GLIPR1: variants seen among roughly 807,000 people sequenced by gnomAD.
GLIPR1 encodes the protein glioma pathogenesis-related protein 1.
Under a neutral mutation model 30.3 loss-of-function variants are expected in GLIPR1, and 38 were observed. That is an observed-to-expected ratio of 1.26 (90% CI 0.97 to 1.65). The LOEUF (loss-of-function observed/expected upper bound fraction) is 1.65. Among genes scored for constraint, GLIPR1 ranks in the 40% most tolerant of loss-of-function variants. The pLI, the probability that GLIPR1 is intolerant of heterozygous loss-of-function variation, is 0.00. For synonymous variants in GLIPR1, 122 were observed against 110.6 expected (o/e 1.10, Z -0.65); for missense variants, 285 against 326.5 (o/e 0.87, Z 0.98).
intron 2 of GLIPR1, among the ~76,000 whole-genome samples, chr12:75,488,645 A>G (rs2046304671): frequency 6.6e-6 from 1 of 152,152 alleles, no homozygotes; most frequent in Admixed American, 6.5e-5. Flanking sequence ...ATTTATTTTT[A>G]AAGTAAACTT....
chr12:75,494,185 T>C (rs766993822), intron 3 of GLIPR1: 1 of 152,220 alleles, frequency 6.6e-6, no homozygotes, highest in Non-Finnish European at 1.5e-5. Context: ...GGTATCGTTA[T>C]AAAGTTGTGT....
rs1396827478 is a variant in GLIPR1 at position 75,481,052 on chromosome 12, A to G, written c.172A>G (p.Met58Val). Reference sequence around the variant, plus strand: ...ACCAACAGCCAGTGATATGCTATACATGGTAAGGAAAATATCATTAATTGT... The same window carrying G: ...ACCAACAGCCAGTGATATGCTATACGTGGTAAGGAAAATATCATTAATTGT... ...VKPTASDMLY[M>V]TWDPALAQIA... Residue 58 changes from methionine (M) to valine (V), a missense_variant and splice_region_variant, in exon 1 of 6, where the codon ATG (methionine) becomes GTG (valine). Physicochemically the swap from Met to Val is conservative, Grantham distance 21 (BLOSUM62 1). Coordinates refer to ENST00000266659, the MANE Select transcript of GLIPR1 (RefSeq NM_006851.3). The G allele has an allele frequency of 5.0e-6, 8 of 1,605,276 alleles. No homozygotes were observed. Among genetic ancestry groups the G allele is most frequent in the Admixed American group, 3.4e-5 (2 of 59,336 alleles).
rs575966559 is a variant in GLIPR1 at position 75,502,042 on chromosome 12, G to C, written c.*3064G>C. 6.6e-6 allele frequency: 10 copies of C among 1,503,882 alleles called. No individual in the cohort carries two copies. In the East Asian group the frequency reaches 2.3e-4, roughly 35 times the overall value. The allele number at this position is 1,503,882 out of a possible 1,614,324, so 93.2% of individuals were successfully genotyped here. A position where few individuals can be genotyped will look rare whatever the true frequency, so the allele number is the denominator to read the frequency against. Reference sequence around the variant, plus strand: ...TTACAATTACATCAGAAATAATGTAGAGGAGAAGTCATGTCCTAAGCAAGT... The same window carrying C: ...TTACAATTACATCAGAAATAATGTACAGGAGAAGTCATGTCCTAAGCAAGT... On this transcript the variant is annotated 3_prime_UTR_variant, in exon 6 of 6. Coordinates refer to ENST00000266659, the MANE Select transcript of GLIPR1 (RefSeq NM_006851.3).
intron 2 of GLIPR1, among the ~76,000 whole-genome samples, chr12:75,485,932 A>G (rs992088442): frequency 6.6e-6 from 1 of 152,134 alleles, no homozygotes; most frequent in African/African-American, 2.4e-5. Context: ...TCATACCGAG[A>G]ATTGAAAGGG....
intron 4 of GLIPR1, chr12:75,498,420 G>C (rs1033004934): frequency 2.7e-4 from 79 of 292,644 alleles, no homozygotes; most frequent in African/African-American, 1.7e-3. Flanking sequence ...TTTATTACCT[G>C]CTAGGTATGA....
chr12:75,494,496 G>T (rs922569989), intron 3 of GLIPR1: 2 of 152,136 alleles, frequency 1.3e-5, no homozygotes, highest in South Asian at 2.1e-4. Context: ...GCCCCCGGTA[G>T]ATCTTAATAG....
Position 75,499,987 on chromosome 12 carries a change from T to C in GLIPR1, c.*1009T>C, listed in dbSNP as rs112185628. ...TAAAAGCACAACACATGTAATACTT[T>C]AGATTTTACCAAGTAAAACAAAGAA... is the stretch of plus-strand genomic sequence containing the variant. On this transcript the variant is annotated 3_prime_UTR_variant, in exon 6 of 6. Coordinates refer to ENST00000266659, the MANE Select transcript of GLIPR1 (RefSeq NM_006851.3). 11 of 1,514,958 alleles carry C rather than the reference T, an allele frequency of 7.3e-6. No individual in the cohort carries two copies. The highest frequency in any genetic ancestry group is 8.9e-6 in the Non-Finnish European group (10 of 1,124,762). 93.8% of individuals were successfully genotyped at this position (1,514,958 alleles called of 1,614,324 possible). A position where few individuals can be genotyped will look rare whatever the true frequency, so the allele number is the denominator to read the frequency against.
rs2046377042 is a variant in GLIPR1, at chr12:75,499,674, T to G, written c.*696T>G. On this transcript the variant is annotated 3_prime_UTR_variant, in exon 6 of 6. Transcript: ENST00000266659. ...TAATAATATAATTTATAAAGAACAC[T>G]CTTCTATGAACAACCACCACCACCA... 2.1e-6 allele frequency: 1 copy of G among 486,862 alleles called. No homozygotes were observed. The highest frequency in any genetic ancestry group is 3.9e-5 in the Admixed American group (1 of 25,674). The allele number at this position is 486,862 out of a possible 1,614,324, so 30.2% of individuals were successfully genotyped here. A position where few individuals can be genotyped will look rare whatever the true frequency, so the allele number is the denominator to read the frequency against.
At chr12:75,495,790 T>A in intron 4 of GLIPR1, 128 bp downstream of exon 4, 1 of 584,250 alleles carries the variant, frequency 1.7e-6, no homozygotes, top group Admixed American at 2.7e-5. Context: ...AAGTAGCAAT[T>A]AAACCAATGG....
At chr12:75,486,825 A>C (rs917968857) in intron 2 of GLIPR1, among the ~76,000 whole-genome samples, 1 of 152,200 alleles carries the variant, frequency 6.6e-6, no homozygotes, top group Non-Finnish European at 1.5e-5. Flanking sequence ...GTTGACCACA[A>C]AGGGGCTCAA....
Position 75,501,476 on chromosome 12 carries a change from G to A in GLIPR1, c.*2498G>A, listed in dbSNP as rs531292777. The stretch of plus-strand genomic sequence containing the variant: ...CTGGGTTTGTATCTTTCACAACAAA[G>A]AGTCTTTTCCAAGCACAGACCAGAG... On this transcript the variant is annotated 3_prime_UTR_variant, in exon 6 of 6. Transcript: ENST00000266659. 3 of 391,878 alleles carry A rather than the reference G, an allele frequency of 7.7e-6. No individual in the cohort carries two copies. In the East Asian group the frequency reaches 1.3e-4, roughly 17 times the overall value. The allele number at this position is 391,878 out of a possible 1,614,324, so 24.3% of individuals were successfully genotyped here. A position where few individuals can be genotyped will look rare whatever the true frequency, so the allele number is the denominator to read the frequency against.
intron 3 of GLIPR1, chr12:75,492,245 T>A (rs1248221438): frequency 2.6e-5 from 4 of 152,192 alleles, no homozygotes; most frequent in African/African-American, 9.7e-5. Context: ...CATGCCACCA[T>A]GCCCAGTTAA....
Position 75,499,755 on chromosome 12 carries a change from ATCTCAAAATCCTT to A in GLIPR1, c.*779_*791del. 1 of 1,407,238 alleles carries A rather than the reference ATCTCAAAATCCTT, an allele frequency of 7.1e-7. No homozygotes were observed. The highest frequency in any genetic ancestry group is 9.5e-7 in the Non-Finnish European group (1 of 1,051,368). The allele number at this position is 1,407,238 out of a possible 1,614,324, so 87.2% of individuals were successfully genotyped here. On this transcript the variant is annotated 3_prime_UTR_variant, in exon 6 of 6. Transcript: ENST00000266659. ...ACAAATAAGGCAACTAATGCCTGAT[ATCTCAAAATCCTT>A]TACAAAAGGAGATAGTTCTAGTCAA... is the stretch of plus-strand genomic sequence containing the variant.
At chr12:75,486,828 G>T (rs949507182) in intron 2 of GLIPR1, among the ~76,000 whole-genome samples, 12 of 152,024 alleles carry the variant, frequency 7.9e-5, no homozygotes, top group African/African-American at 2.9e-4. Context: ...GACCACAAAG[G>T]GGCTCAAGGG....
chr12:75,490,494 AT>A lies in GLIPR1; in HGVS notation c.513del (p.Phe171LeufsTer73). 1 of 1,370,326 alleles carries A rather than the reference AT, an allele frequency of 7.3e-7. No homozygotes were observed. Among genetic ancestry groups the A allele is most frequent in the Non-Finnish European group, 9.7e-7 (1 of 1,030,474 alleles). The allele number at this position is 1,370,326 out of a possible 1,614,324, so 84.9% of individuals were successfully genotyped here. A position where few individuals can be genotyped will look rare whatever the true frequency, so the allele number is the denominator to read the frequency against. On this transcript the variant is annotated frameshift_variant, in exon 3 of 6. Transcript: ENST00000266659. LOFTEE classifies it high-confidence loss of function. ...SGFDALSNGA[H>X]FICNYGPGGN... ...TTTGACGCTCTTTCCAATGGAGCAC[AT>A]TTTATATGCAACTACGGACCAGGGT...
At position 75,480,884 on chromosome 12, in the gene GLIPR1, C is replaced by A. The variant is rs778155968; in HGVS notation, c.4C>A (p.Arg2Ser). M[R>S]VTLATIAWMV... ...AAGGCTCCATGCCAGACAAAGCATG[C>A]GTGTCACACTTGCTACAATAGCCTG... The change falls in exon 1 of 6, where the codon CGT becomes AGT. Residue 2 changes from arginine to serine, a missense_variant. By Grantham distance (110) the Arg-to-Ser change is moderately radical. Coordinates refer to ENST00000266659, the MANE Select transcript of GLIPR1 (RefSeq NM_006851.3). The A allele has an allele frequency of 4.4e-6, 7 of 1,607,096 alleles. No individual in the cohort carries two copies. The Admixed American group carries it at 5.0e-5, about 12-fold the overall frequency.
At chr12:75,494,163 G>A (rs1594060621) in intron 3 of GLIPR1, 1 of 152,288 alleles carries the variant, frequency 6.6e-6, no homozygotes, top group East Asian at 1.9e-4. Context: ...ATAGATTTGG[G>A]GTTGGAAATA....
chr12:75,492,774 T>A (rs918900078), intron 3 of GLIPR1: 1 of 152,144 alleles, frequency 6.6e-6, no homozygotes, highest in Non-Finnish European at 1.5e-5. Context: ...AACAGGGCAG[T>A]CTCTGTCTTT....
At chr12:75,491,415 T>A (rs2046323234) in intron 3 of GLIPR1, 1 of 152,210 alleles carries the variant, frequency 6.6e-6, no homozygotes, top group South Asian at 2.1e-4. Flanking sequence ...GGTACCACCA[T>A]CCTGTTGAAG....
Sources: allele counts gnomAD v4.1 joint callset (sites outside exome capture counted in the v4.1 genomes callset), GRCh38; gene constraint gnomAD v4.1.1; transcripts MANE v1.5; gene names NCBI Gene and HGNC (gene_info 2026-07-23, HGNC 2026-07-21).